The following NRAS variants were observed in gnomAD, a reference collection of about 807,000 sequenced individuals.
The protein encoded by NRAS is GTPase NRas.
Under a neutral mutation model 21.3 loss-of-function variants are expected in NRAS, and 6 were observed. That is an observed-to-expected ratio of 0.28 (90% CI 0.15 to 0.56). The LOEUF is 0.56. Ranked by LOEUF, NRAS falls within the 20% of genes least tolerant of loss-of-function variation. NRAS has a pLI of 0.93. For missense variants in NRAS, 143 were observed against 231.3 expected, an observed-to-expected ratio of 0.62 and a Z score of 2.48; for synonymous variants, 84 against 82.0, an observed-to-expected ratio of 1.02 and a Z score of -0.13.
intron 4 of NRAS, among the ~76,000 whole-genome samples, chr1:114,709,220 T>G (rs1453045526): frequency 6.6e-6 from 1 of 152,178 alleles, no homozygotes; most frequent in African/African-American, 2.4e-5. Flanking sequence ...GAGGATTGCT[T>G]GAGGCCAGGA....
In NRAS at chr1:114,709,648, G is replaced by C; in HGVS notation, c.371C>G (p.Thr124Arg). Residue 124 changes from threonine to arginine, a missense_variant, in exon 4 of 7, where the codon ACA becomes AGA. Coordinates refer to ENST00000369535, the MANE Select transcript of NRAS (RefSeq NM_002524.5). ...TTCGTGGGCTTGTTTTGTATCAACT[G>C]TCCTTGTTGGCAAATCACACTTGTT... is the stretch of plus-strand genomic sequence containing the variant. ...VGNKCDLPTR[T>R]VDTKQAHELA... 6.2e-7 allele frequency: 1 copy of C among 1,613,436 alleles called. No homozygotes were observed. The highest frequency in any genetic ancestry group is 8.5e-7 in the Non-Finnish European group (1 of 1,179,424).
At position 114,716,690 on chromosome 1, in the gene NRAS, T is replaced by A. The variant is rs61758211; in HGVS notation, c.-50A>T. The A allele has an allele frequency of 1.1e-5, 2 of 174,334 alleles. No homozygotes were observed. The highest frequency in any genetic ancestry group is 4.8e-5 in the African/African-American group (2 of 42,028). The allele number at this position is 174,334 out of a possible 1,614,324, so 10.8% of individuals were successfully genotyped here. On this transcript the variant is annotated 5_prime_UTR_variant, in exon 1 of 7. Coordinates refer to ENST00000369535, the MANE Select transcript of NRAS (RefSeq NM_002524.5). The stretch of plus-strand genomic sequence containing the variant: ...TCCACTGCCTCTGCTTTGGACAGAT[T>A]TAGGACCACAGCCGGGAAAAATGTT...
At position 114,704,668 on chromosome 1, in the gene NRAS, A is replaced by C. The variant is rs548917853; in HGVS notation, c.*3426T>G. 1 of 152,230 alleles carries C rather than the reference A, an allele frequency of 6.6e-6. No homozygotes were observed. The highest frequency in any genetic ancestry group is 2.1e-4 in the South Asian group (1 of 4,838). 9.4% of individuals were successfully genotyped at this position (152,230 alleles called of 1,614,324 possible). On this transcript the variant is annotated 3_prime_UTR_variant, in exon 7 of 7. Coordinates refer to ENST00000369535, the MANE Select transcript of NRAS (RefSeq NM_002524.5). Reference sequence around the variant, plus strand: ...CAGAATTGCACAATTATTTTTACCTATATTTGATGGCACAAAAAAATAAAA... The same window carrying C: ...CAGAATTGCACAATTATTTTTACCTCTATTTGATGGCACAAAAAAATAAAA...
chr1:114,713,999 GGGGCA>G, intron 2 of NRAS, 21 bp from the exon 3 acceptor site: 1 of 1,365,630 alleles, frequency 7.3e-7, no homozygotes, highest in Non-Finnish European at 1.0e-6. Context: ...GGAGGGTAAG[GGGGCA>G]GGGAGGGAGG....
At chr1:114,713,763 A>C (rs771736107) in intron 3 of NRAS, 37 bp downstream of exon 3, 1 of 1,549,994 alleles carries the variant, frequency 6.5e-7, no homozygotes, top group Non-Finnish European at 8.9e-7. Context: ...TCAGAACACA[A>C]AGATCATCCT....
At chr1:114,713,096 T>C (rs9724630) in intron 3 of NRAS, among the ~76,000 whole-genome samples, 7,124 of 152,278 alleles carry the variant, frequency 0.047, 240 homozygotes, top group Middle Eastern at 0.092. Context: ...ACTTTATGGT[T>C]CTATGGACAA....
rs1299450206 is a variant in NRAS, at chr1:114,706,191, T to C, written c.*1903A>G. 1 of 152,226 alleles carries C rather than the reference T, an allele frequency of 6.6e-6. No individual in the cohort carries two copies. Among genetic ancestry groups the C allele is most frequent in the Non-Finnish European group, 1.5e-5 (1 of 68,038 alleles). The allele number at this position is 152,226 out of a possible 1,614,324, so 9.4% of individuals were successfully genotyped here. On this transcript the variant is annotated 3_prime_UTR_variant, in exon 7 of 7. Coordinates refer to ENST00000369535, the MANE Select transcript of NRAS (RefSeq NM_002524.5). ...TACTCTGGACACAGTATATGTTTCT[T>C]CTCTTCTGAATTTCAAGGTAATATG...
At chr1:114,716,309 A>T (rs763710664) in intron 1 of NRAS, 132 bp from the exon 2 acceptor site, 2 of 707,074 alleles carry the variant, frequency 2.8e-6, no homozygotes, top group Non-Finnish European at 5.2e-6. Flanking sequence ...GAGAACGCAA[A>T]AACACCGGAT....
intron 4 of NRAS, among the ~76,000 whole-genome samples, chr1:114,709,248 G>C (rs1658985719): frequency 6.6e-6 from 1 of 151,946 alleles, no homozygotes; most frequent in Non-Finnish European, 1.5e-5. Context: ...ACCAGCCTGG[G>C]CAACATGGTA....
At chr1:114,715,977 T>C in intron 2 of NRAS, 73 bp downstream of exon 2, 1 of 946,978 alleles carries the variant, frequency 1.1e-6, no homozygotes, top group South Asian at 1.3e-5. Flanking sequence ...ATTCCTTTAA[T>C]ACAGAATATG....
chr1:114,715,606 G>A (rs1659143829), intron 2 of NRAS, among the ~76,000 whole-genome samples: 1 of 152,112 alleles, frequency 6.6e-6, no homozygotes, highest in Non-Finnish European at 1.5e-5. Context: ...TAGGCATAAA[G>A]ACTAAAAATC....
intron 1 of NRAS, 37 bp from the exon 2 acceptor site, chr1:114,716,214 C>T (rs2100995790): frequency 8.8e-7 from 1 of 1,140,878 alleles, no homozygotes; most frequent in Admixed American, 1.7e-5. Flanking sequence ...ATTGGCGAGC[C>T]ACATCTACAG....
At chr1:114,714,074 G>A (rs1014798411) in intron 2 of NRAS, 96 bp from the exon 3 acceptor site, 12 of 774,202 alleles carry the variant, frequency 1.5e-5, no homozygotes, top group South Asian at 1.8e-5. Context: ...GGTTAAATAA[G>A]CATCTAACTA....
At chr1:114,715,290 G>A (rs1360221971) in intron 2 of NRAS, among the ~76,000 whole-genome samples, 3 of 152,164 alleles carry the variant, frequency 2.0e-5, no homozygotes, top group Non-Finnish European at 4.4e-5. Context: ...CTCCCAAAGT[G>A]CTGGGATTAC....
rs980962005 is a variant in NRAS at position 114,706,954 on chromosome 1, G to C, written c.*1140C>G. 5.9e-5 allele frequency: 9 copies of C among 152,606 alleles called. No individual in the cohort carries two copies. Among genetic ancestry groups the C allele is most frequent in the African/African-American group, 2.2e-4 (9 of 41,430 alleles). 9.5% of individuals were successfully genotyped at this position (152,606 alleles called of 1,614,324 possible). On this transcript the variant is annotated 3_prime_UTR_variant, in exon 7 of 7. Transcript: ENST00000369535. ...CATCATTAAGATACCATGATATACA[G>C]TGAAAATGTAATTTGTTAATATACT...
rs1658916770 is a variant in NRAS at position 114,706,184 on chromosome 1, T to C, written c.*1910A>G. 1 of 152,228 alleles carries C rather than the reference T, an allele frequency of 6.6e-6. No individual in the cohort carries two copies. The highest frequency in any genetic ancestry group is 1.5e-5 in the Non-Finnish European group (1 of 68,034). 9.4% of individuals were successfully genotyped at this position (152,228 alleles called of 1,614,324 possible). A position where few individuals can be genotyped will look rare whatever the true frequency, so the allele number is the denominator to read the frequency against. The stretch of plus-strand genomic sequence containing the variant: ...TTCATTATACTCTGGACACAGTATA[T>C]GTTTCTTCTCTTCTGAATTTCAAGG... On this transcript the variant is annotated 3_prime_UTR_variant, in exon 7 of 7. Transcript: ENST00000369535.
In NRAS at chr1:114,705,722, T is replaced by A. The variant is rs956033056; in HGVS notation, c.*2372A>T. ...GTAACCTCCACCTCCTGGGTTGAAG[T>A]GATTCTCCTGCCTCAGCCTCTCAAG... On this transcript the variant is annotated 3_prime_UTR_variant, in exon 7 of 7. Transcript: ENST00000369535. 2 of 152,200 alleles carry A rather than the reference T, an allele frequency of 1.3e-5. No homozygotes were observed. Among genetic ancestry groups the A allele is most frequent in the Non-Finnish European group, 2.9e-5 (2 of 68,064 alleles). 9.4% of individuals were successfully genotyped at this position (152,200 alleles called of 1,614,324 possible). A position where few individuals can be genotyped will look rare whatever the true frequency, so the allele number is the denominator to read the frequency against.
At chr1:114,713,745 A>T (rs1347103882) in intron 3 of NRAS, 55 bp downstream of exon 3, 4 of 1,455,852 alleles carry the variant, frequency 2.7e-6, no homozygotes, top group Non-Finnish European at 3.9e-6. Context: ...TCATTTCCCC[A>T]TAAAGATTCA....
chr1:114,710,606 A>G (rs1330771823), intron 3 of NRAS, among the ~76,000 whole-genome samples: 1 of 152,136 alleles, frequency 6.6e-6, no homozygotes, highest in Non-Finnish European at 1.5e-5. Flanking sequence ...ACAAGATTTC[A>G]GGAAGGAATA....
Sources: gnomAD v4.1 joint callset for allele counts (sites outside exome capture counted in the v4.1 genomes callset) on GRCh38, gnomAD v4.1.1 for gene constraint, MANE v1.5 for transcripts, NCBI Gene and HGNC (gene_info 2026-07-23, HGNC 2026-07-21) for gene names.